Variants in CRYZ observed in about 807,000 individuals in gnomAD.
CRYZ encodes crystallin zeta.
In CRYZ, 35 loss-of-function variants were observed where a neutral mutation model predicts 34.1. The ratio of observed to expected loss-of-function variants is 1.03; its 90% confidence interval spans 0.78 to 1.36. CRYZ has a LOEUF of 1.36. Ranked by LOEUF, CRYZ falls within the 40% of genes most tolerant of loss-of-function variation. The pLI, the probability that CRYZ is intolerant of heterozygous loss-of-function variation, is 0.00. For missense variants in CRYZ, 403 were observed against 391.8 expected (o/e 1.03, Z -0.24); for synonymous variants, 137 against 136.5 (o/e 1.00, Z -0.03).
chr1:74,723,837 TA>T (rs1190559431), intron 2 of CRYZ, among the ~76,000 whole-genome samples: 4 of 152,216 alleles, frequency 2.6e-5, no homozygotes, highest in Non-Finnish European at 5.9e-5. Flanking sequence ...CTTTTAAATT[TA>T]GTGTATAAGA....
rs775718634 is a variant in CRYZ at position 74,723,195 on chromosome 1, G to A, written c.187C>T (p.Pro63Ser). 1.9e-6 allele frequency: 3 copies of A among 1,613,862 alleles called. No individual in the cohort carries two copies. Among genetic ancestry groups the A allele is most frequent in the African/African-American group, 2.7e-5 (2 of 74,904 alleles). The change falls in exon 3 of 9, where the codon CCA becomes TCA. Residue 63 changes from proline to serine, a missense_variant. Physicochemically the swap from Pro to Ser is moderately conservative, Grantham distance 74. Coordinates refer to ENST00000340866, the MANE Select transcript of CRYZ (RefSeq NM_001889.4). ...YIRSGTYSRK[P>S]LLPYTPGSDV... is the part of the protein sequence containing the mutation. Reference sequence around the variant, plus strand: ...GAGCCAGGAGTATAGGGTAAGAGTGGTTTTCTACTATAAGTACCAGAGCGA... The same window carrying A: ...GAGCCAGGAGTATAGGGTAAGAGTGATTTTCTACTATAAGTACCAGAGCGA...
intron 4 of CRYZ, among the ~76,000 whole-genome samples, chr1:74,715,718 T>C (rs1016626140): frequency 6.6e-6 from 1 of 152,146 alleles, no homozygotes; most frequent in Non-Finnish European, 1.5e-5. Context: ...AAAATTCTTA[T>C]AAGATGCCCC....
intron 4 of CRYZ, 102 bp downstream of exon 4, chr1:74,719,107 C>T (rs1252700523): frequency 1.6e-6 from 2 of 1,246,114 alleles, no homozygotes; most frequent in Non-Finnish European, 2.3e-6. Flanking sequence ...TAACTGGTAA[C>T]CAAATATGAT....
At chr1:74,718,522 C>G (rs1647107443) in intron 4 of CRYZ, among the ~76,000 whole-genome samples, 1 of 152,132 alleles carries the variant, frequency 6.6e-6, no homozygotes, top group Admixed American at 6.6e-5. Context: ...TCTGTTCCAA[C>G]TTTATTCTTC....
At chr1:74,732,807 G>C (rs1647912247) in intron 1 of CRYZ, 149 bp downstream of exon 1, 1 of 163,506 alleles carries the variant, frequency 6.1e-6, no homozygotes, top group Admixed American at 6.2e-5. Context: ...GGAGGGGAAT[G>C]GCTTCGGTCT....
At chr1:74,717,923 CT>C (rs1647099472) in intron 4 of CRYZ, among the ~76,000 whole-genome samples, 1 of 150,656 alleles carries the variant, frequency 6.6e-6, no homozygotes, top group African/African-American at 2.4e-5. Flanking sequence ...ATTTCAACCA[CT>C]TTTCACCTTG....
At chr1:74,731,451 A>T (rs1004611130) in intron 1 of CRYZ, among the ~76,000 whole-genome samples, 1 of 152,224 alleles carries the variant, frequency 6.6e-6, no homozygotes, top group African/African-American at 2.4e-5. Flanking sequence ...GCTAATACAC[A>T]ATGACTCATG....
chr1:74,713,628 T>A (rs1252826400), intron 5 of CRYZ, among the ~76,000 whole-genome samples: 1 of 152,174 alleles, frequency 6.6e-6, no homozygotes, highest in Non-Finnish European at 1.5e-5. Context: ...CAAAAAGGAC[T>A]GAAATTACCT....
intron 1 of CRYZ, 27 bp from the exon 2 acceptor site, chr1:74,724,861 T>C (rs1307496631): frequency 5.3e-6 from 7 of 1,316,308 alleles, no homozygotes; most frequent in Admixed American, 1.8e-5. Flanking sequence ...ATTAATGTAT[T>C]GTCACATTGT....
intron 1 of CRYZ, among the ~76,000 whole-genome samples, chr1:74,729,496 T>C (rs1283929192): frequency 8.7e-6 from 1 of 115,548 alleles, no homozygotes; most frequent in South Asian, 2.8e-4. Context: ...AAAAAAAAAA[T>C]TATCTAGGTG....
At chr1:74,728,876 C>A (rs978946858) in intron 1 of CRYZ, among the ~76,000 whole-genome samples, 13 of 152,160 alleles carry the variant, frequency 8.5e-5, no homozygotes, top group African/African-American at 3.1e-4. Context: ...CAGAAGCAGG[C>A]CTACGGCATA....
intron 3 of CRYZ, among the ~76,000 whole-genome samples, chr1:74,719,702 G>C (rs1423054419): frequency 6.6e-6 from 1 of 151,914 alleles, no homozygotes; most frequent in East Asian, 1.9e-4. Flanking sequence ...CACCATGTTG[G>C]TCAGGCTGGT....
chr1:74,706,805 T>G, intron 8 of CRYZ, 94 bp downstream of exon 8: 1 of 1,008,040 alleles, frequency 9.9e-7, no homozygotes, highest in Admixed American at 1.9e-5. Flanking sequence ...GTCATATAAC[T>G]AAGTTTAACA....
intron 1 of CRYZ, among the ~76,000 whole-genome samples, chr1:74,725,997 C>A (rs1446005816): frequency 3.3e-5 from 5 of 152,240 alleles, no homozygotes; most frequent in African/African-American, 1.2e-4. Context: ...TGGCCTTGGG[C>A]AGCTCTGCCC....
In CRYZ at chr1:74,714,288, T is replaced by C. The variant is rs192992565; in HGVS notation, c.480+291A>G. Among the ~76,000 whole-genome samples the C allele has an allele frequency of 7.4e-4, 112 of 152,280 alleles. 1 individual carries two copies. The highest frequency in any genetic ancestry group is 2.5e-3 in the African/African-American group (102 of 41,556). ...TCTAAATAAATATTTTTATAACATA[T>C]GCTACTTGAAGGCAAAAACAAGGCC... On this transcript the variant is annotated intron_variant, in intron 5 of 8. Coordinates refer to ENST00000340866, the MANE Select transcript of CRYZ (RefSeq NM_001889.4).
intron 1 of CRYZ, among the ~76,000 whole-genome samples, chr1:74,728,523 C>T (rs699802): frequency 1 from 152,324 of 152,324 alleles, 76,162 homozygotes; most frequent in Non-Finnish European, 1. Flanking sequence ...CCACAAGAAG[C>T]TTAAACATTA....
rs1423542977 is a variant in CRYZ at position 74,724,829 on chromosome 1, T to C, written c.-8A>G. 1.3e-6 allele frequency: 2 copies of C among 1,570,392 alleles called. No individual in the cohort carries two copies. Among genetic ancestry groups the C allele is most frequent in the Admixed American group, 1.8e-5 (1 of 55,630 alleles). On this transcript the variant is annotated 5_prime_UTR_variant, in exon 2 of 9. Transcript: ENST00000340866. ...CTTCTGTCCAGTCGCCATGGTGATC[T>C]AGATACTAAGGAAGAAAAAAAATTA...
intron 7 of CRYZ, 39 bp from the exon 8 acceptor site, chr1:74,707,033 T>C (rs374372773): frequency 8.2e-6 from 13 of 1,578,530 alleles, no homozygotes; most frequent in Middle Eastern, 1.7e-4. Flanking sequence ...TAAAGATTAC[T>C]GTAAAATAGT....
intron 1 of CRYZ, among the ~76,000 whole-genome samples, chr1:74,729,364 A>C (rs1647568629): frequency 6.6e-6 from 1 of 151,896 alleles, no homozygotes; most frequent in South Asian, 2.1e-4. Flanking sequence ...TGTATATAGT[A>C]GACATCATTA....
Sources: gnomAD v4.1 joint callset for allele counts (sites outside exome capture counted in the v4.1 genomes callset) on GRCh38, gnomAD v4.1.1 for gene constraint, MANE v1.5 for transcripts, NCBI Gene and HGNC (gene_info 2026-07-23, HGNC 2026-07-21) for gene names.